Variants in YJU2B observed in about 807,000 individuals in gnomAD.
YJU2B encodes probable splicing factor YJU2B.
A neutral mutation model predicts 38.0 loss-of-function variants in YJU2B; 18 were observed. The observed-to-expected ratio is 0.47, with a 90% confidence interval of 0.33 to 0.70. The LOEUF (loss-of-function observed/expected upper bound fraction) is 0.70, where lower values mean the gene tolerates loss of function less well. Among genes scored for constraint, YJU2B ranks in the 30% least tolerant of loss-of-function variants. The probability of loss-of-function intolerance (pLI) is 0.02; values close to 1 mark genes in which losing one functional copy is unlikely to be tolerated. For synonymous variants in YJU2B, 246 were observed against 225.4 expected (o/e 1.09, Z -0.82); for missense variants, 538 against 556.3 (o/e 0.97, Z 0.33).
At chr19:13,741,330 T>C (rs1012897073) in intron 2 of YJU2B, among the ~76,000 whole-genome samples, 45 of 151,860 alleles carry the variant, frequency 3.0e-4, no homozygotes, top group African/African-American at 1.1e-3. Context: ...AATTTTTGTA[T>C]TTTTAGTAGA....
upstream of YJU2B, among the ~76,000 whole-genome samples, chr19:13,747,607 A>G (rs10409632): frequency 7.7e-3 from 1,174 of 152,282 alleles, 15 homozygotes; most frequent in African/African-American, 0.027. Context: ...AGTAGCTGGG[A>G]CTACAGGGGC....
At chr19:13,757,342 G>A in intron 4 of YJU2B, 76 bp from the exon 5 acceptor site, 1 of 1,272,520 alleles carries the variant, frequency 7.9e-7, no homozygotes, top group Non-Finnish European at 1.1e-6. Flanking sequence ...CACAACCGCG[G>A]CCAGAGTCGC....
rs755604097 is a variant in YJU2B, at chr19:13,762,926, G to C, written c.1049G>C (p.Arg350Thr). The change falls in exon 10 of 10, where the codon AGG (arginine) becomes ACG (threonine). Residue 350 changes from arginine (R) to threonine (T), a missense_variant. Around this residue, in one of 2 missense-constraint regions of YJU2B, gnomAD observed 488 missense variants for 469.5 expected, o/e 1.04. Coordinates refer to ENST00000221554, the MANE Select transcript of YJU2B (RefSeq NM_030818.4). ...GAGACCCCCAAGTGCAGCAGCCCGA[G>C]GGGGCAGGAAGGGAGCCGTCAGGAC... The part of the protein sequence containing the change: ...TTETPKCSSP[R>T]GQEGSRQDKP... The C allele has an allele frequency of 7.4e-6, 12 of 1,611,858 alleles. No homozygotes were observed. The Admixed American group carries it at 1.3e-4, about 18-fold the overall frequency.
chr19:13,742,389 G>A (rs1973119075), intron 2 of YJU2B, among the ~76,000 whole-genome samples: 1 of 139,460 alleles, frequency 7.2e-6, no homozygotes, highest in Non-Finnish European at 1.5e-5. Flanking sequence ...TGCAACCTCC[G>A]CCTCCCGGGT....
At chr19:13,732,344 G>A (rs954094474) in intron 2 of YJU2B, 2 of 152,062 alleles carry the variant, frequency 1.3e-5, no homozygotes, top group African/African-American at 4.8e-5. Context: ...TAAATATTAA[G>A]GGTGGGGAGA....
chr19:13,747,279 A>G (rs2145114071), upstream of YJU2B, among the ~76,000 whole-genome samples: 1 of 152,266 alleles, frequency 6.6e-6, no homozygotes, highest in East Asian at 1.9e-4. Flanking sequence ...ATGAAATTTT[A>G]TTTACGTACG....
At chr19:13,753,476 A>C (rs1005982529) in intron 2 of YJU2B, among the ~76,000 whole-genome samples, 2 of 148,630 alleles carry the variant, frequency 1.3e-5, no homozygotes, top group Non-Finnish European at 3.0e-5. Flanking sequence ...CGGGAGGCTG[A>C]GGCAGGAGAA....
chr19:13,748,403 C>T (rs912135908), intron 1 of YJU2B, among the ~76,000 whole-genome samples: 1 of 151,990 alleles, frequency 6.6e-6, no homozygotes, highest in Non-Finnish European at 1.5e-5. Flanking sequence ...AAACAATTTG[C>T]CCCAAGTCAA....
chr19:13,732,909 T>TA (rs924921002), intron 2 of YJU2B, among the ~76,000 whole-genome samples: 20 of 149,792 alleles, frequency 1.3e-4, no homozygotes, highest in African/African-American at 4.7e-4. Flanking sequence ...GCACCCGGCA[T>TA]AAAAAATGCA....
At chr19:13,741,050 A>G (rs958898914) in intron 2 of YJU2B, among the ~76,000 whole-genome samples, 3 of 152,198 alleles carry the variant, frequency 2.0e-5, no homozygotes, top group African/African-American at 7.2e-5. Context: ...GCAACCAGAG[A>G]TAAGTAATAT....
chr19:13,759,366 G>T, intron 8 of YJU2B, 94 bp downstream of exon 8: 1 of 1,018,682 alleles, frequency 9.8e-7, no homozygotes. Context: ...CTTTGAGCAG[G>T]CCACTGTACC....
chr19:13,760,190 C>G (rs1174409729), intron 8 of YJU2B, among the ~76,000 whole-genome samples: 1 of 150,354 alleles, frequency 6.7e-6, no homozygotes, highest in African/African-American at 2.4e-5. Context: ...ACCCAAAGTG[C>G]TGGGATTACA....
intron 2 of YJU2B, among the ~76,000 whole-genome samples, chr19:13,737,604 GCA>G: frequency 6.7e-6 from 1 of 149,394 alleles, no homozygotes; most frequent in Non-Finnish European, 1.5e-5. Context: ...GACCAACATG[GCA>G]AAATCCCGTC....
intron 8 of YJU2B, among the ~76,000 whole-genome samples, chr19:13,760,810 G>A (rs901794020): frequency 3.3e-5 from 5 of 151,918 alleles, no homozygotes; most frequent in South Asian, 2.1e-4. Context: ...CTCGCTCGTC[G>A]CCCATGCTGC....
intron 5 of YJU2B, 56 bp from the exon 6 acceptor site, chr19:13,757,730 C>T: frequency 6.5e-7 from 1 of 1,541,692 alleles, no homozygotes; most frequent in Non-Finnish European, 9.0e-7. Context: ...TCATTTTACC[C>T]ATCTGCAAAA....
chr19:13,735,932 G>A (rs1972932562), intron 2 of YJU2B, among the ~76,000 whole-genome samples: 2 of 151,778 alleles, frequency 1.3e-5, no homozygotes, highest in South Asian at 2.1e-4. Context: ...GGCACCTGTA[G>A]TCCCAGCTAC....
intron 2 of YJU2B, among the ~76,000 whole-genome samples, chr19:13,752,260 CTCTT>C (rs1247275007): frequency 2.3e-5 from 3 of 131,862 alleles, no homozygotes; most frequent in Admixed American, 8.3e-5. Flanking sequence ...CCCTTCCTTT[CTCTT>C]TCTTTCTTTC....
In YJU2B at chr19:13,762,317, CAGG is replaced by C. The variant is rs763638028; in HGVS notation, c.604_606del (p.Glu202del). 1.1e-5 allele frequency: 18 copies of C among 1,613,442 alleles called. No individual in the cohort carries two copies. Among genetic ancestry groups the C allele is most frequent in the Admixed American group, 1.7e-5 (1 of 59,898 alleles). ...AACACAGGAAAAGAAAAAAGCCATCCAGGAGGAGGAGGAGAGAGACCAGGCCTT... is the reference window on the plus strand; with the variant it reads ...AACACAGGAAAAGAAAAAAGCCATCCAGGAGGAGGAGAGAGACCAGGCCTT... On this transcript the variant is annotated inframe_deletion, in exon 9 of 10. Transcript: ENST00000221554.
At chr19:13,761,717 C>CA (rs151037434) in intron 8 of YJU2B, 57,570 of 138,924 alleles carry the variant, frequency 0.41, 11,558 homozygotes, top group East Asian at 0.62. Flanking sequence ...CCCATCTCTA[C>CA]AAAAAAAAAT....
Sources: gnomAD v4.1 joint callset for allele counts (sites outside exome capture counted in the v4.1 genomes callset) on GRCh38, gnomAD v4.1.1 for gene constraint, gnomAD v4.1.1 regional missense constraint, MANE v1.5 for transcripts, NCBI Gene and HGNC (gene_info 2026-07-23, HGNC 2026-07-21) for gene names.